The following EML5 variants were observed in gnomAD, a reference collection of about 807,000 sequenced individuals.
EML5 encodes the protein echinoderm microtubule-associated protein-like 5.
A neutral mutation model predicts 250.0 loss-of-function variants in EML5; 120 were observed. That is an observed-to-expected ratio of 0.48 (90% CI 0.41 to 0.56). EML5 has a LOEUF of 0.56. Among genes scored for constraint, EML5 ranks in the 20% least tolerant of loss-of-function variants. The pLI, the probability that EML5 is intolerant of heterozygous loss-of-function variation, is 0.00. For synonymous variants in EML5, 771 were observed against 806.5 expected, an observed-to-expected ratio of 0.96 and a Z score of 0.75; for missense variants, 2,006 against 2,437.6, an observed-to-expected ratio of 0.82 and a Z score of 3.73.
At chr14:88,783,709 T>C (rs138045588) in intron 1 of EML5, among the ~76,000 whole-genome samples, 2 of 152,244 alleles carry the variant, frequency 1.3e-5, no homozygotes, top group South Asian at 2.1e-4. Context: ...CCCAATATAA[T>C]AGCTGGAGAT....
At chr14:88,660,928 A>G (rs961283382) in intron 25 of EML5, among the ~76,000 whole-genome samples, 2 of 152,180 alleles carry the variant, frequency 1.3e-5, no homozygotes, top group Non-Finnish European at 2.9e-5. Flanking sequence ...ATTACATTAA[A>G]TCAATGGTGC....
intron 10 of EML5, 54 bp downstream of exon 10, chr14:88,712,217 C>T (rs1188273157): frequency 1.2e-5 from 15 of 1,267,796 alleles, no homozygotes; most frequent in Non-Finnish European, 1.7e-5. Context: ...TCTGCAAGAA[C>T]ACGAAAGTCT....
At chr14:88,627,179 C>G (rs2090041344) in intron 34 of EML5, 133 bp from the exon 35 acceptor site, 1 of 750,730 alleles carries the variant, frequency 1.3e-6, no homozygotes, top group Non-Finnish European at 2.2e-6. Flanking sequence ...TGCTCTACTA[C>G]CTAGCAATAC....
intron 28 of EML5, among the ~76,000 whole-genome samples, chr14:88,647,823 T>G (rs933786777): frequency 6.6e-6 from 1 of 152,188 alleles, no homozygotes; most frequent in Non-Finnish European, 1.5e-5. Flanking sequence ...CTTGCCATTC[T>G]TATTTTTCTG....
intron 8 of EML5, among the ~76,000 whole-genome samples, chr14:88,723,536 C>T (rs1013143479): frequency 6.6e-6 from 1 of 152,080 alleles, no homozygotes; most frequent in Non-Finnish European, 1.5e-5. Flanking sequence ...CTGTATGGCA[C>T]AGTGATTAGA....
chr14:88,671,417 A>G (rs1387233068), intron 21 of EML5, among the ~76,000 whole-genome samples: 1 of 152,212 alleles, frequency 6.6e-6, no homozygotes, highest in African/African-American at 2.4e-5. Flanking sequence ...CTAAATATGG[A>G]AAGGAAAAAG....
intron 5 of EML5, 31 bp downstream of exon 5, chr14:88,740,356 G>T: frequency 1.3e-6 from 2 of 1,556,364 alleles, no homozygotes; most frequent in Non-Finnish European, 1.8e-6. Context: ...TAATACACAT[G>T]AAAGTGTTTA....
chr14:88,754,660 T>A lies in EML5; in HGVS notation c.209A>T (p.His70Leu). The change falls in exon 2 of 44, where the codon CAT becomes CTT. Residue 70 changes from histidine (H) to leucine (L), a missense_variant. Transcript: ENST00000554922. ...TGTTGCTACCAACACTCGTTCAGGA[T>A]GCAATGCAAGGCTGTAAAATAAGGA... ...HSDDIISLAL[H>L]PERVLVATGQ... 1 of 1,609,140 alleles carries A rather than the reference T, an allele frequency of 6.2e-7. No homozygotes were observed. Among genetic ancestry groups the A allele is most frequent in the African/African-American group, 1.3e-5 (1 of 74,938 alleles).
At chr14:88,757,529 G>T (rs959977477) in intron 1 of EML5, among the ~76,000 whole-genome samples, 2 of 151,890 alleles carry the variant, frequency 1.3e-5, no homozygotes, top group Non-Finnish European at 2.9e-5. Context: ...ACATAGTAAT[G>T]CAACCCAGAG....
intron 29 of EML5, among the ~76,000 whole-genome samples, chr14:88,645,024 CTTCT>C (rs1015400834): frequency 8.8e-5 from 13 of 148,244 alleles, no homozygotes; most frequent in East Asian, 2.0e-4. Flanking sequence ...AGCCTTTTCT[CTTCT>C]TTCTTTCTTT....
rs750897466 is a variant in EML5, at chr14:88,616,175, C to T, written c.5864G>A (p.Arg1955Gln). 4.5e-5 allele frequency: 72 copies of T among 1,613,714 alleles called. No individual in the cohort carries two copies. The highest frequency in any genetic ancestry group is 5.8e-5 in the Non-Finnish European group (69 of 1,179,810). The change falls in exon 43 of 44, where the codon CGA becomes CAA. Residue 1955 changes from arginine (R) to glutamine (Q), a missense_variant. By Grantham distance (43) the Arg-to-Gln change is conservative. Coordinates refer to ENST00000554922, the MANE Select transcript of EML5 (RefSeq NM_183387.3). ...VTNIRFTSGD[R>Q]HVVSAGGDDC... is the part of the protein sequence containing the mutation. ...ATCACCTCCAGCACTAACAACATGT[C>T]GATCACCACTGGTAAATCGAATATT...
At chr14:88,770,205 G>T (rs1480417170) in intron 1 of EML5, among the ~76,000 whole-genome samples, 2 of 152,118 alleles carry the variant, frequency 1.3e-5, no homozygotes, top group African/African-American at 2.4e-5. Flanking sequence ...GTCTGGAGAA[G>T]AGATTTTGGG....
intron 33 of EML5, among the ~76,000 whole-genome samples, chr14:88,628,974 A>G (rs1434757649): frequency 6.6e-6 from 1 of 152,070 alleles, no homozygotes; most frequent in Non-Finnish European, 1.5e-5. Flanking sequence ...ATTTATGACA[A>G]TAATGTCAGT....
chr14:88,714,901 T>C lies in EML5; in HGVS notation c.1444+38A>G, dbSNP rs1182081987. The C allele has an allele frequency of 1.9e-6, 3 of 1,581,082 alleles. No homozygotes were observed. The South Asian group carries it at 3.5e-5, about 18-fold the overall frequency. ...TCCAGTAAAACTCTAAAATATTGTA[T>C]AGGTACTACAAATCTATAATTTGCT... On this transcript the variant is annotated intron_variant, in intron 9 of 43. Coordinates refer to ENST00000554922, the MANE Select transcript of EML5 (RefSeq NM_183387.3).
chr14:88,707,270 T>TTTTATTTATTTA (rs36057410), intron 10 of EML5, among the ~76,000 whole-genome samples: 2,400 of 145,558 alleles, frequency 0.016, 57 homozygotes, highest in African/African-American at 0.044. Context: ...TAGGGATATA[T>TTTTATTTATTTA]TTTATTTATT....
chr14:88,716,732 A>AACACACACACACACAC (rs58701181), intron 8 of EML5, among the ~76,000 whole-genome samples: 15 of 148,186 alleles, frequency 1.0e-4, no homozygotes, highest in African/African-American at 3.5e-4. Flanking sequence ...ACTGCTCACC[A>AACACACACACACACAC]ACACACACAC....
chr14:88,630,504 C>T (rs555726843), intron 33 of EML5, among the ~76,000 whole-genome samples: 7 of 152,258 alleles, frequency 4.6e-5, no homozygotes, highest in South Asian at 2.1e-4. Context: ...CTTCCTAGAG[C>T]GTAAGTGATT....
At chr14:88,647,025 C>G in intron 28 of EML5, 70 bp from the exon 29 acceptor site, 1 of 1,364,622 alleles carries the variant, frequency 7.3e-7, no homozygotes, top group Non-Finnish European at 1.0e-6. Flanking sequence ...TAGTGAAATA[C>G]CTCCTGTAAT....
intron 1 of EML5, among the ~76,000 whole-genome samples, chr14:88,778,880 C>T (rs1288364544): frequency 6.6e-6 from 1 of 152,196 alleles, no homozygotes; most frequent in African/African-American, 2.4e-5. Context: ...AAGCATATAA[C>T]AGGATTTCAT....
Sources: gnomAD v4.1 joint callset for allele counts (sites outside exome capture counted in the v4.1 genomes callset) on GRCh38, gnomAD v4.1.1 for gene constraint, MANE v1.5 for transcripts, NCBI Gene and HGNC (gene_info 2026-07-23, HGNC 2026-07-21) for gene names.